Variants in GPC6 observed in about 807,000 individuals in gnomAD.
GPC6 encodes the protein glypican 6, also known as glypican-6.
A neutral mutation model predicts 55.2 loss-of-function variants in GPC6; 14 were observed. The ratio of observed to expected loss-of-function variants is 0.25; its 90% CI spans 0.17 to 0.40. The LOEUF (loss-of-function observed/expected upper bound fraction) is 0.40, where lower values mean the gene tolerates loss of function less well. GPC6 is among the 10% of genes least tolerant of loss of function. GPC6 has a pLI of 1.00. For synonymous variants in GPC6, 278 were observed against 259.6 expected (o/e 1.07, Z -0.68); for missense variants, 641 against 708.5 (o/e 0.90, Z 1.08).
At chr13:93,422,531 C>A (rs553219015) in intron 1 of GPC6, among the ~76,000 whole-genome samples, 1 of 152,246 alleles carries the variant, frequency 6.6e-6, no homozygotes, top group South Asian at 2.1e-4. Flanking sequence ...ACAAAAATCA[C>A]CTACAATCTA....
At chr13:93,278,662 G>C (rs1877845479) in intron 1 of GPC6, among the ~76,000 whole-genome samples, 1 of 152,050 alleles carries the variant, frequency 6.6e-6, no homozygotes, top group African/African-American at 2.4e-5. Context: ...AATTTTGCCT[G>C]GGTAAGGATA....
intron 1 of GPC6, among the ~76,000 whole-genome samples, chr13:93,347,730 A>G (rs1320393875): frequency 6.6e-6 from 1 of 152,174 alleles, no homozygotes; most frequent in Non-Finnish European, 1.5e-5. Context: ...TCATAATCAT[A>G]ACACAAGTCT....
intron 1 of GPC6, among the ~76,000 whole-genome samples, chr13:93,491,808 T>G (rs1880019005): frequency 7.8e-6 from 1 of 128,760 alleles, no homozygotes; most frequent in African/African-American, 2.9e-5. Flanking sequence ...TTTTCTGAGG[T>G]TTGTCAAAGA....
chr13:93,801,151 GTTTGC>G (rs1171503849), intron 2 of GPC6, among the ~76,000 whole-genome samples: 1 of 152,176 alleles, frequency 6.6e-6, no homozygotes, highest in Non-Finnish European at 1.5e-5. Flanking sequence ...CACTTGCAAT[GTTTGC>G]TTTTCTGGAT....
At chr13:93,579,210 C>T (rs1239294311) in intron 2 of GPC6, among the ~76,000 whole-genome samples, 1 of 151,974 alleles carries the variant, frequency 6.6e-6, no homozygotes, top group African/African-American at 2.4e-5. Flanking sequence ...TAATACTACT[C>T]TAGTGTACAT....
intron 4 of GPC6, among the ~76,000 whole-genome samples, chr13:94,035,847 A>G (rs901954002): frequency 6.6e-6 from 1 of 152,026 alleles, no homozygotes; most frequent in East Asian, 1.9e-4. Context: ...CCTTTAATTC[A>G]TAGTTATCTC....
At chr13:94,066,375 G>T (rs772384596) in intron 4 of GPC6, among the ~76,000 whole-genome samples, 1 of 151,946 alleles carries the variant, frequency 6.6e-6, no homozygotes, top group Non-Finnish European at 1.5e-5. Flanking sequence ...TTTCTCTACT[G>T]TAAATATATA....
intron 2 of GPC6, among the ~76,000 whole-genome samples, chr13:93,786,627 T>C (rs2138915222): frequency 6.6e-6 from 1 of 151,308 alleles, no homozygotes; most frequent in African/African-American, 2.4e-5. Flanking sequence ...ATGCAATAAA[T>C]TGTTTGACGA....
At position 94,180,497 on chromosome 13, in the gene GPC6, G is replaced by A. The variant is rs185133174; in HGVS notation, c.878-105852G>A. Among the ~76,000 whole-genome samples, 5 of 152,182 alleles carry A rather than the reference G, an allele frequency of 3.3e-5. No individual in the cohort carries two copies. In the East Asian group the frequency reaches 7.7e-4, roughly 24 times the overall value. Reference sequence around the variant, plus strand: ...GATAATGAAAATAGCAAGAGAAATCGATGAATGAAACCACCATTTGGAGGC... The same window carrying A: ...GATAATGAAAATAGCAAGAGAAATCAATGAATGAAACCACCATTTGGAGGC... On this transcript the variant is annotated intron_variant, in intron 4 of 8. Transcript: ENST00000377047.
At chr13:93,919,687 T>G (rs1193176624) in intron 3 of GPC6, among the ~76,000 whole-genome samples, 1 of 152,232 alleles carries the variant, frequency 6.6e-6, no homozygotes, top group East Asian at 1.9e-4. Flanking sequence ...GTTCTTGCCT[T>G]ATTTTTTATA....
rs115753671 is a variant in GPC6 at position 94,173,500 on chromosome 13, T to C, written c.878-112849T>C. On this transcript the variant is annotated intron_variant, in intron 4 of 8. Transcript: ENST00000377047. Reference sequence around the variant, plus strand: ...AGAATTCCTTCAAACCCTAAAATATTTGATTCTGTGAAAAAGATGACCTCA... The same window carrying C: ...AGAATTCCTTCAAACCCTAAAATATCTGATTCTGTGAAAAAGATGACCTCA... Among the ~76,000 whole-genome samples, 357 of 152,242 alleles carry C rather than the reference T, an allele frequency of 2.3e-3. 3 individuals carry two copies. Among genetic ancestry groups the C allele is most frequent in the African/African-American group, 8.3e-3 (345 of 41,560 alleles).
Position 93,840,000 on chromosome 13 carries a change from T to A in GPC6, c.711+9455T>A, listed in dbSNP as rs540986453. On this transcript the variant is annotated intron_variant, in intron 3 of 8. Transcript: ENST00000377047. ...GCTTCATAGAATGAATTAGGGAGGG[T>A]TCCTTCTTTCTCTATCTTGTGGAAT... Among the ~76,000 whole-genome samples, 400 of 152,232 alleles carry A rather than the reference T, an allele frequency of 2.6e-3. 1 individual carries two copies. Among genetic ancestry groups the A allele is most frequent in the Non-Finnish European group, 3.8e-3 (260 of 68,012 alleles).
intron 2 of GPC6, among the ~76,000 whole-genome samples, chr13:93,743,182 A>T (rs957244737): frequency 6.6e-6 from 1 of 152,198 alleles, no homozygotes; most frequent in Non-Finnish European, 1.5e-5. Flanking sequence ...TGTGCTGGCA[A>T]ATATAGAAAG....
chr13:93,909,654 G>A (rs1170153810), intron 3 of GPC6, among the ~76,000 whole-genome samples: 1 of 151,984 alleles, frequency 6.6e-6, no homozygotes, highest in Non-Finnish European at 1.5e-5. Context: ...ATTGGCACCA[G>A]CCCCTTTAAT....
intron 3 of GPC6, among the ~76,000 whole-genome samples, chr13:93,872,672 A>G (rs187409663): frequency 6.6e-6 from 1 of 151,828 alleles, no homozygotes; most frequent in Non-Finnish European, 1.5e-5. Context: ...CTCTGGGCCC[A>G]CCCATGTGAT....
intron 1 of GPC6, among the ~76,000 whole-genome samples, chr13:93,246,036 CTTAA>C (rs776070857): frequency 9.2e-5 from 14 of 152,260 alleles, no homozygotes; most frequent in Admixed American, 1.3e-4. Context: ...ACCTATGACT[CTTAA>C]TTAATTTTTG....
At chr13:93,636,039 A>G (rs2139578543) in intron 2 of GPC6, among the ~76,000 whole-genome samples, 1 of 152,276 alleles carries the variant, frequency 6.6e-6, no homozygotes, top group Non-Finnish European at 1.5e-5. Flanking sequence ...GAGAGAGCAC[A>G]CATACTGACA....
At chr13:93,573,435 A>G (rs895982503) in intron 2 of GPC6, among the ~76,000 whole-genome samples, 4 of 152,072 alleles carry the variant, frequency 2.6e-5, no homozygotes, top group Non-Finnish European at 5.9e-5. Flanking sequence ...GTCTACATCC[A>G]GTACTCCCCA....
intron 6 of GPC6, among the ~76,000 whole-genome samples, chr13:94,340,419 A>G (rs1462050024): frequency 6.6e-6 from 1 of 152,216 alleles, no homozygotes; most frequent in Non-Finnish European, 1.5e-5. Flanking sequence ...GCTACATTAA[A>G]ATCATTCCAT....
Sources: gnomAD v4.1 joint callset for allele counts (sites outside exome capture counted in the v4.1 genomes callset) on GRCh38, gnomAD v4.1.1 for gene constraint, MANE v1.5 for transcripts, NCBI Gene and HGNC (gene_info 2026-07-23, HGNC 2026-07-21) for gene names.